The following KHDRBS2 variants were observed in gnomAD, a reference collection of about 807,000 sequenced individuals.
KHDRBS2 encodes the protein KH domain-containing, RNA-binding, signal transduction-associated protein 2.
A neutral mutation model predicts 44.3 loss-of-function variants in KHDRBS2; 26 were observed. The observed-to-expected ratio is 0.59, with a 90% CI of 0.43 to 0.81. KHDRBS2 has a LOEUF of 0.81. KHDRBS2 is among the 40% of genes least tolerant of loss of function. The pLI, the probability that KHDRBS2 is intolerant of heterozygous loss-of-function variation, is 0.00. For missense variants in KHDRBS2, 476 were observed against 433.1 expected (o/e 1.10, Z -0.88); for synonymous variants, 194 against 151.1 (o/e 1.28, Z -2.08).
chr6:62,044,025 A>T (rs1301549792), intron 3 of KHDRBS2, among the ~76,000 whole-genome samples: 3 of 152,114 alleles, frequency 2.0e-5, no homozygotes, highest in African/African-American at 7.2e-5. Context: ...ATATAGCATA[A>T]TATTGAATCT....
chr6:61,770,851 C>A (rs1485088841), intron 6 of KHDRBS2, among the ~76,000 whole-genome samples: 1 of 152,094 alleles, frequency 6.6e-6, no homozygotes. Context: ...CAAAGATACT[C>A]CTCGAGAAGA....
intron 1 of KHDRBS2, among the ~76,000 whole-genome samples, chr6:62,258,767 C>T (rs1365158965): frequency 6.6e-6 from 1 of 151,814 alleles, no homozygotes; most frequent in Non-Finnish European, 1.5e-5. Flanking sequence ...ATCCAAAACT[C>T]TTCTATATTT....
intron 4 of KHDRBS2, among the ~76,000 whole-genome samples, chr6:61,934,400 C>T (rs1463041523): frequency 6.6e-6 from 1 of 152,008 alleles, no homozygotes; most frequent in East Asian, 1.9e-4. Context: ...AGCATTTCCC[C>T]TAGGAGACTA....
intron 6 of KHDRBS2, among the ~76,000 whole-genome samples, chr6:61,871,436 A>C (rs1178041478): frequency 6.6e-6 from 1 of 152,212 alleles, no homozygotes; most frequent in Non-Finnish European, 1.5e-5. Context: ...AACAACCTTC[A>C]GGATATTATC....
chr6:61,665,883 C>G, the KHDRBS2 span, among the ~76,000 whole-genome samples: 1 of 150,818 alleles, frequency 6.6e-6, no homozygotes, highest in Non-Finnish European at 1.5e-5. Context: ...TTTCTGTTCT[C>G]AAGTTATAGT....
chr6:62,272,193 A>G (rs1328065036), intron 1 of KHDRBS2, among the ~76,000 whole-genome samples: 1 of 152,194 alleles, frequency 6.6e-6, no homozygotes, highest in Non-Finnish European at 1.5e-5. Flanking sequence ...GCCTAGGAAC[A>G]ATAGCTGTAC....
chr6:61,652,039 T>C, the KHDRBS2 span, among the ~76,000 whole-genome samples: 1 of 152,132 alleles, frequency 6.6e-6, no homozygotes, highest in African/African-American at 2.4e-5. Context: ...GGAAACTCCT[T>C]TCTAGGATAA....
In KHDRBS2 at chr6:62,107,390, C is replaced by T. The variant is rs181902433; in HGVS notation, c.220-59396G>A. 5.1e-4 allele frequency among the ~76,000 whole-genome samples: 77 copies of T among 152,082 alleles called. No individual in the cohort carries two copies. The South Asian group carries it at 0.014, about 28-fold the overall frequency. Reference sequence around the variant, plus strand: ...ATCTAGGAATCCAACTTACAAGGGACGTGAAGGACCTCTTCAAGGAGAACT... The same window carrying T: ...ATCTAGGAATCCAACTTACAAGGGATGTGAAGGACCTCTTCAAGGAGAACT... On this transcript the variant is annotated intron_variant, in intron 2 of 8. Transcript: ENST00000281156.
At chr6:61,933,346 G>A (rs1810441029) in intron 4 of KHDRBS2, among the ~76,000 whole-genome samples, 1 of 146,636 alleles carries the variant, frequency 6.8e-6, no homozygotes, top group South Asian at 2.1e-4. Flanking sequence ...ATTTCAGTGA[G>A]AAAACAAATC....
intron 5 of KHDRBS2, among the ~76,000 whole-genome samples, chr6:61,899,872 A>C (rs185329550): frequency 1.1e-3 from 174 of 151,966 alleles, no homozygotes; most frequent in African/African-American, 3.6e-3. Context: ...ATTTCATATG[A>C]TTCAACTTAT....
At chr6:61,555,530 T>G in the KHDRBS2 span, among the ~76,000 whole-genome samples, 222 of 152,322 alleles carry the variant, frequency 1.5e-3, 4 homozygotes, top group African/African-American at 5.1e-3. Flanking sequence ...TCAGCCTGAT[T>G]AAGAAAAATT....
At chr6:62,102,527 G>A (rs908722327) in intron 2 of KHDRBS2, among the ~76,000 whole-genome samples, 4 of 152,202 alleles carry the variant, frequency 2.6e-5, no homozygotes, top group Non-Finnish European at 5.9e-5. Flanking sequence ...TTCTCTCCTT[G>A]CTGCCACAGA....
Position 61,708,359 on chromosome 6 carries a change from A to G in KHDRBS2, c.894-11106T>C, listed in dbSNP as rs150344843. Among the ~76,000 whole-genome samples, 38 of 151,768 alleles carry G rather than the reference A, an allele frequency of 2.5e-4. No individual in the cohort carries two copies. In the East Asian group the frequency reaches 7.0e-3, roughly 28 times the overall value. ...AATTGATCATTTTGTGTACTAAAAA[A>G]TATTAAATAAAATATATTGTCTTTT... On this transcript the variant is annotated intron_variant, in intron 7 of 8. Transcript: ENST00000281156.
intron 4 of KHDRBS2, among the ~76,000 whole-genome samples, chr6:61,965,187 G>A (rs1769636150): frequency 6.6e-6 from 1 of 152,030 alleles, no homozygotes; most frequent in Non-Finnish European, 1.5e-5. Flanking sequence ...GAGGGCTTAT[G>A]GTTTGCCATG....
chr6:61,836,880 C>T (rs567475182), intron 6 of KHDRBS2, among the ~76,000 whole-genome samples: 2 of 152,108 alleles, frequency 1.3e-5, no homozygotes, highest in South Asian at 4.1e-4. Context: ...TGACAAGAGG[C>T]TTACGATTCT....
At chr6:62,121,570 C>T (rs1258984855) in intron 2 of KHDRBS2, among the ~76,000 whole-genome samples, 1 of 152,198 alleles carries the variant, frequency 6.6e-6, no homozygotes, top group African/African-American at 2.4e-5. Context: ...TTTCTCCATT[C>T]CTGTCGATAA....
intron 4 of KHDRBS2, among the ~76,000 whole-genome samples, chr6:61,962,691 T>C (rs932016581): frequency 6.6e-6 from 1 of 152,052 alleles, no homozygotes; most frequent in African/African-American, 2.4e-5. Flanking sequence ...TCAAAAATGA[T>C]CATTTTCATT....
intron 2 of KHDRBS2, among the ~76,000 whole-genome samples, chr6:62,121,571 C>T (rs1337361602): frequency 6.6e-6 from 1 of 152,220 alleles, no homozygotes; most frequent in African/African-American, 2.4e-5. Flanking sequence ...TTCTCCATTC[C>T]TGTCGATAAC....
intron 6 of KHDRBS2, among the ~76,000 whole-genome samples, chr6:61,847,585 C>T (rs1451533320): frequency 6.6e-6 from 1 of 151,918 alleles, no homozygotes; most frequent in Non-Finnish European, 1.5e-5. Flanking sequence ...TGTTTATGTT[C>T]GAAAACATGT....
Sources: gnomAD v4.1 joint callset for allele counts (sites outside exome capture counted in the v4.1 genomes callset) on GRCh38, gnomAD v4.1.1 for gene constraint, MANE v1.5 for transcripts, NCBI Gene and HGNC (gene_info 2026-07-23, HGNC 2026-07-21) for gene names.